Variants in GRSF1 observed in about 807,000 individuals in gnomAD.
The protein encoded by GRSF1 is G-rich RNA sequence binding factor 1, also known as G-rich sequence factor 1.
In GRSF1, 50 loss-of-function variants were observed where a neutral mutation model predicts 51.1. The ratio of observed to expected loss-of-function variants is 0.98; its 90% CI spans 0.78 to 1.24. GRSF1 has a LOEUF of 1.24. GRSF1 is among the 50% of genes most tolerant of loss of function. GRSF1 has a pLI of 0.00. For synonymous variants in GRSF1, 293 were observed against 253.3 expected (o/e 1.16, Z -1.49); for missense variants, 700 against 639.7 (o/e 1.09, Z -1.02).
Position 70,833,281 on chromosome 4 carries a change from T to G in GRSF1, c.515-8A>C. On this transcript the variant is annotated splice_polypyrimidine_tract_variant and splice_region_variant and intron_variant, in intron 2 of 9. Transcript: ENST00000254799. The stretch of plus-strand genomic sequence containing the variant: ...CGTTGCGGATTCTGCAGTCTAAAAG[T>G]GTATGAGCAAAATCAATTGAAAACA... 1.2e-6 allele frequency: 2 copies of G among 1,610,352 alleles called. No individual in the cohort carries two copies. The highest frequency in any genetic ancestry group is 8.5e-7 in the Non-Finnish European group (1 of 1,178,166).
chr4:70,828,453 G>A (rs1370938642), intron 5 of GRSF1, among the ~76,000 whole-genome samples: 1 of 152,198 alleles, frequency 6.6e-6, no homozygotes, highest in Non-Finnish European at 1.5e-5. Context: ...AAAAGTCACA[G>A]TAAAAGAAGA....
chr4:70,828,432 T>G (rs1192606529), intron 5 of GRSF1, among the ~76,000 whole-genome samples: 1 of 152,208 alleles, frequency 6.6e-6, no homozygotes, highest in South Asian at 2.1e-4. Flanking sequence ...ATCATATCTG[T>G]ATAAGATATT....
rs1419565937 is a variant in GRSF1 at position 70,836,246 on chromosome 4, T to C, written c.426A>G (p.Leu142=). 15 of 1,610,456 alleles carry C rather than the reference T, an allele frequency of 9.3e-6. No individual in the cohort carries two copies. Among genetic ancestry groups the C allele is most frequent in the East Asian group, 4.5e-5 (2 of 44,658 alleles). ...GAAAGACATCATCCACTTCCTCTTC[T>C]AACTTGGACGGGGCCAATTCATACT... is the stretch of plus-strand genomic sequence containing the variant. The part of the protein sequence containing the change: ...PPEYELAPSK[L]EEEVDDVFLI... The change falls in exon 2 of 10, where the codon TTA becomes TTG. Residue 142 remains leucine (L), a synonymous_variant. Coordinates refer to ENST00000254799, the MANE Select transcript of GRSF1 (RefSeq NM_002092.4).
upstream of GRSF1, among the ~76,000 whole-genome samples, chr4:70,842,997 A>G (rs1049746450): frequency 6.6e-6 from 1 of 151,770 alleles, no homozygotes; most frequent in Non-Finnish European, 1.5e-5. Flanking sequence ...CAGTGAGCTG[A>G]GACCGCACCA....
intron 5 of GRSF1, among the ~76,000 whole-genome samples, chr4:70,828,546 T>TGACTG (rs397823783): frequency 2.0e-5 from 3 of 151,586 alleles, no homozygotes; most frequent in African/African-American, 7.2e-5. Flanking sequence ...AGGAGGGGAC[T>TGACTG]ATCTATTAAA....
intron 4 of GRSF1, 57 bp from the exon 5 acceptor site, chr4:70,831,731 C>A (rs1199222285): frequency 2.5e-5 from 36 of 1,430,414 alleles, no homozygotes; most frequent in South Asian, 2.0e-4. Context: ...TTAGAATTAA[C>A]ACCATCATTC....
rs563291057 is a variant in GRSF1, at chr4:70,827,758, A to AC, written c.1135+93dup. On this transcript the variant is annotated intron_variant, in intron 6 of 9. Transcript: ENST00000254799. ...CGCACCACTGCACTCCAGCCTGGCA[A>AC]CAGAGCGAGACTTCATCTCAAAAAA... 352 of 854,374 alleles carry AC rather than the reference A, an allele frequency of 4.1e-4. 2 individuals carry two copies. In the African/African-American group the frequency reaches 5.2e-3, roughly 13 times the overall value. 52.9% of individuals were successfully genotyped at this position (854,374 alleles called of 1,614,324 possible).
intron 1 of GRSF1, among the ~76,000 whole-genome samples, chr4:70,836,912 C>T (rs574959848): frequency 1.9e-4 from 29 of 152,214 alleles, no homozygotes; most frequent in Non-Finnish European, 3.7e-4. Context: ...CAATTAATTC[C>T]AACTGTTTAA....
intron 5 of GRSF1, among the ~76,000 whole-genome samples, chr4:70,830,315 C>A (rs2148841551): frequency 3.3e-5 from 5 of 152,070 alleles, no homozygotes; most frequent in Admixed American, 3.3e-4. Flanking sequence ...TGTGGCGGCA[C>A]ATGCCTATTG....
chr4:70,833,179 C>T lies in GRSF1; in HGVS notation c.609G>A (p.Glu203=). The change falls in exon 3 of 10, where the codon GAG becomes GAA. Residue 203 remains glutamate (E), a synonymous_variant. Coordinates refer to ENST00000254799, the MANE Select transcript of GRSF1 (RefSeq NM_002092.4). ...TCTCTAAGGCTTTCTGCACATCCTG[C>T]TCTGACTCCATTTCAATTAAGGCAT... ...RGDALIEMES[E]QDVQKALEKH... 1 of 1,613,930 alleles carries T rather than the reference C, an allele frequency of 6.2e-7. No individual in the cohort carries two copies. Among genetic ancestry groups the T allele is most frequent in the South Asian group, 1.1e-5 (1 of 91,086 alleles).
intron 2 of GRSF1, among the ~76,000 whole-genome samples, chr4:70,835,442 C>G (rs1734162468): frequency 7.0e-6 from 1 of 143,018 alleles, no homozygotes; most frequent in Admixed American, 6.9e-5. Flanking sequence ...AAAAAAAAAA[C>G]CTACATAGTA....
Position 70,825,370 on chromosome 4 carries a change from G to C in GRSF1, c.1319C>G (p.Thr440Ser). ...CTCAAAGTGCACATCAGCTTCTCCAGTGGCCTTCCCACTGGAGCTGTATTC... is the reference window on the plus strand; with the variant it reads ...CTCAAAGTGCACATCAGCTTCTCCACTGGCCTTCCCACTGGAGCTGTATTC... ...TMEYSSSGKA[T>S]GEADVHFETH... is the part of the protein sequence containing the mutation. Residue 440 changes from threonine (T) to serine (S), a missense_variant, in exon 8 of 10, where the codon ACT becomes AGT. Physicochemically the swap from Thr to Ser is moderately conservative, Grantham distance 58. Coordinates refer to ENST00000254799, the MANE Select transcript of GRSF1 (RefSeq NM_002092.4). The C allele has an allele frequency of 1.9e-6, 3 of 1,611,986 alleles. No homozygotes were observed. The highest frequency in any genetic ancestry group is 2.5e-6 in the Non-Finnish European group (3 of 1,178,500).
chr4:70,830,615 T>C (rs996929204), intron 5 of GRSF1, among the ~76,000 whole-genome samples: 2 of 151,822 alleles, frequency 1.3e-5, no homozygotes, highest in Non-Finnish European at 2.9e-5. Context: ...GTCCGGGAGT[T>C]CTAGACCAGC....
rs1300975103 is a variant in GRSF1 at position 70,823,968 on chromosome 4, ATC to A, written c.*25+324_*25+325del. On this transcript the variant is annotated intron_variant, in intron 9 of 9. Transcript: ENST00000254799. ...AATAGCAAATAATTTCCACAGTTGT[ATC>A]TCTCTCTTTTTTTTTTTTTTTTTTG... 8.3e-3 allele frequency among the ~76,000 whole-genome samples: 346 copies of A among 41,472 alleles called. 26 individuals are homozygous for A. The highest frequency in any genetic ancestry group is 0.015 in the African/African-American group (325 of 21,956). 27.2% of individuals were successfully genotyped at this position (41,472 alleles called of 152,430 possible). A position where few individuals can be genotyped will look rare whatever the true frequency, so the allele number is the denominator to read the frequency against.
intron 7 of GRSF1, chr4:70,825,801 G>A (rs1008268608): frequency 6.8e-6 from 2 of 294,298 alleles, no homozygotes; most frequent in South Asian, 3.8e-5. Flanking sequence ...GCATGGTGGC[G>A]CCTGCCTGTA....
intron 4 of GRSF1, 49 bp downstream of exon 4, chr4:70,832,258 C>G: frequency 6.5e-7 from 1 of 1,546,408 alleles, no homozygotes; most frequent in East Asian, 2.3e-5. Context: ...AAGGAGATAC[C>G]AAGGGAAAAA....
chr4:70,821,482 T>C (rs912016312), intron 9 of GRSF1, among the ~76,000 whole-genome samples: 1 of 151,894 alleles, frequency 6.6e-6, no homozygotes, highest in Non-Finnish European at 1.5e-5. Context: ...GGCATACGCC[T>C]GTAGCCCCAG....
At chr4:70,839,078 C>T in intron 1 of GRSF1, 3 of 1,248,924 alleles carry the variant, frequency 2.4e-6, no homozygotes, top group South Asian at 2.5e-5. Context: ...CACGGAAACT[C>T]CCAACCCTCC....
At chr4:70,825,557 CT>C in intron 7 of GRSF1, 126 bp from the exon 8 acceptor site, 1 of 626,328 alleles carries the variant, frequency 1.6e-6, no homozygotes, top group Non-Finnish European at 2.6e-6. Context: ...TTTAGGAAAT[CT>C]TTTTAAGCAG....
Sources: gnomAD v4.1 joint callset for allele counts (sites outside exome capture counted in the v4.1 genomes callset) on GRCh38, gnomAD v4.1.1 for gene constraint, MANE v1.5 for transcripts, NCBI Gene and HGNC (gene_info 2026-07-23, HGNC 2026-07-21) for gene names.